The following RFX7 variants were observed in gnomAD, a reference collection of about 807,000 sequenced individuals.
The protein encoded by RFX7 is regulatory factor X7.
RFX7 carries 26 observed loss-of-function variants against 111.8 expected under a neutral mutation model. The observed-to-expected ratio is 0.23, with a 90% confidence interval of 0.17 to 0.32. RFX7 has a LOEUF of 0.32. Ranked by LOEUF, RFX7 falls within the 10% of genes least tolerant of loss-of-function variation. The probability of loss-of-function intolerance (pLI) is 1.00; values close to 1 mark genes in which losing one functional copy is unlikely to be tolerated. For synonymous variants in RFX7, 624 were observed against 624.4 expected (o/e 1.00, Z 0.01); for missense variants, 1,573 against 1,772.9 (o/e 0.89, Z 2.02).
intron 3 of RFX7, among the ~76,000 whole-genome samples, chr15:56,170,156 T>G (rs1216892328): frequency 6.6e-6 from 1 of 152,140 alleles, no homozygotes; most frequent in Non-Finnish European, 1.5e-5. Context: ...CTGGGTATAT[T>G]CCAATGCATA....
Position 56,103,785 on chromosome 15 carries a change from C to T in RFX7, c.402-115G>A, listed in dbSNP as rs979204539. The T allele has an allele frequency of 4.6e-6, 3 of 652,532 alleles. No individual in the cohort carries two copies. In the South Asian group the frequency reaches 6.0e-5, roughly 13 times the overall value. The allele number at this position is 652,532 out of a possible 1,614,324, so 40.4% of individuals were successfully genotyped here. On this transcript the variant is annotated intron_variant, in intron 5 of 9. Coordinates refer to ENST00000559447, the MANE Select transcript of RFX7 (RefSeq NM_022841.7). ...AAGTGAAGCAAAGGATCTTTCAAGTCATTTGCCACAATGTCTATGATCATC... is the reference window on the plus strand; with the variant it reads ...AAGTGAAGCAAAGGATCTTTCAAGTTATTTGCCACAATGTCTATGATCATC...
intron 5 of RFX7, among the ~76,000 whole-genome samples, chr15:56,117,585 A>G (rs114808333): frequency 0.014 from 2,150 of 152,076 alleles, 45 homozygotes; most frequent in African/African-American, 0.048. Context: ...TATTCCTCCT[A>G]TCTAGTTCTA....
At chr15:56,121,614 C>G (rs1438190812) in intron 5 of RFX7, among the ~76,000 whole-genome samples, 1 of 152,176 alleles carries the variant, frequency 6.6e-6, no homozygotes, top group Non-Finnish European at 1.5e-5. Flanking sequence ...AATAAACTTT[C>G]TATTCCTATC....
intron 3 of RFX7, among the ~76,000 whole-genome samples, chr15:56,159,525 T>A (rs2042696174): frequency 6.6e-6 from 1 of 152,116 alleles, no homozygotes; most frequent in African/African-American, 2.4e-5. Context: ...TATCGACATA[T>A]AATTGAAGTT....
At chr15:56,203,877 C>G (rs574328123) in intron 2 of RFX7, among the ~76,000 whole-genome samples, 1 of 152,180 alleles carries the variant, frequency 6.6e-6, no homozygotes, top group Non-Finnish European at 1.5e-5. Flanking sequence ...TCTGTCTATA[C>G]AGAAGCTATT....
intron 2 of RFX7, among the ~76,000 whole-genome samples, chr15:56,219,962 G>A (rs1021864395): frequency 4.6e-5 from 7 of 152,188 alleles, no homozygotes; most frequent in Non-Finnish European, 1.0e-4. Flanking sequence ...CACAGTGGCT[G>A]AACTAATTTA....
intron 3 of RFX7, among the ~76,000 whole-genome samples, chr15:56,173,059 G>A (rs1292613740): frequency 1.3e-5 from 2 of 152,126 alleles, no homozygotes; most frequent in Non-Finnish European, 2.9e-5. Flanking sequence ...GCAGAAAGAA[G>A]CAACTTAAGC....
intron 2 of RFX7, among the ~76,000 whole-genome samples, chr15:56,208,021 A>C (rs1306025234): frequency 2.6e-5 from 4 of 152,208 alleles, no homozygotes; most frequent in Admixed American, 6.5e-5. Context: ...GTCTGAGATA[A>C]ACTCCAGGGA....
At chr15:56,139,940 C>T (rs1467205896) in intron 5 of RFX7, among the ~76,000 whole-genome samples, 14 of 152,274 alleles carry the variant, frequency 9.2e-5, no homozygotes, top group East Asian at 3.9e-4. Context: ...GGGTCAGGGG[C>T]CAGGGACCCA....
intron 5 of RFX7, among the ~76,000 whole-genome samples, chr15:56,140,127 G>A (rs1366554123): frequency 9.2e-5 from 14 of 152,202 alleles, no homozygotes; most frequent in Admixed American, 9.2e-4. Flanking sequence ...GCCTCCTTGA[G>A]CTGTGGTGGG....
At chr15:56,141,452 AAAGACTGG>A (rs2141021723) in intron 5 of RFX7, among the ~76,000 whole-genome samples, 1 of 151,942 alleles carries the variant, frequency 6.6e-6, no homozygotes. Flanking sequence ...ACCAACTGAC[AAAGACTGG>A]TTAAAATGCT....
At chr15:56,186,366 G>T (rs1349934406) in intron 2 of RFX7, among the ~76,000 whole-genome samples, 1 of 152,070 alleles carries the variant, frequency 6.6e-6, no homozygotes, top group Non-Finnish European at 1.5e-5. Context: ...AAACCACTAT[G>T]GGTCATTTAG....
intron 5 of RFX7, among the ~76,000 whole-genome samples, chr15:56,113,013 C>T (rs2041960493): frequency 6.6e-6 from 1 of 152,090 alleles, no homozygotes; most frequent in Admixed American, 6.6e-5. Flanking sequence ...CACATGTTGG[C>T]AAGGATGTGG....
intron 2 of RFX7, among the ~76,000 whole-genome samples, chr15:56,213,007 G>C (rs1055147042): frequency 6.6e-6 from 1 of 152,158 alleles, no homozygotes; most frequent in Non-Finnish European, 1.5e-5. Flanking sequence ...AGCTATTAGA[G>C]AGTGTCAATG....
At chr15:56,183,922 T>C (rs1201543381) in intron 2 of RFX7, among the ~76,000 whole-genome samples, 1 of 152,148 alleles carries the variant, frequency 6.6e-6, no homozygotes, top group Non-Finnish European at 1.5e-5. Flanking sequence ...TATTGTGAAT[T>C]TTATCTGTGT....
intron 2 of RFX7, among the ~76,000 whole-genome samples, chr15:56,195,259 T>C (rs1483500978): frequency 6.6e-6 from 1 of 152,042 alleles, no homozygotes; most frequent in African/African-American, 2.4e-5. Flanking sequence ...GTTGCGGAAA[T>C]GAAGAGTGAC....
chr15:56,167,954 T>C (rs1254514251), intron 3 of RFX7, among the ~76,000 whole-genome samples: 3 of 152,228 alleles, frequency 2.0e-5, no homozygotes, highest in African/African-American at 7.2e-5. Flanking sequence ...GTTTTTAATT[T>C]TTCATTTCAG....
upstream of RFX7, chr15:56,243,919 C>T (rs1295995398): frequency 2.0e-5 from 3 of 149,634 alleles, no homozygotes; most frequent in South Asian, 1.8e-4. Flanking sequence ...ACCTACCGCT[C>T]CGCCGGGGGG....
At chr15:56,195,693 T>C (rs1339397084) in intron 2 of RFX7, among the ~76,000 whole-genome samples, 2 of 152,186 alleles carry the variant, frequency 1.3e-5, no homozygotes, top group African/African-American at 2.4e-5. Context: ...TATAAGATGT[T>C]TGGAATCATA....
Sources: gnomAD v4.1 joint callset for allele counts (sites outside exome capture counted in the v4.1 genomes callset) on GRCh38, gnomAD v4.1.1 for gene constraint, MANE v1.5 for transcripts, NCBI Gene and HGNC (gene_info 2026-07-23, HGNC 2026-07-21) for gene names.